PLEKHA8: variants seen among roughly 807,000 people sequenced by gnomAD.
PLEKHA8 encodes the protein pleckstrin homology domain-containing family A member 8.
In PLEKHA8, 36 loss-of-function variants were observed where a neutral mutation model predicts 68.2. The observed-to-expected ratio is 0.53, with a 90% CI of 0.40 to 0.70. PLEKHA8 has a LOEUF of 0.70. Ranked by LOEUF, PLEKHA8 falls within the 30% of genes least tolerant of loss-of-function variation. The probability of loss-of-function intolerance (pLI) is 0.00; values close to 1 mark genes in which losing one functional copy is unlikely to be tolerated. For synonymous variants in PLEKHA8, 211 were observed against 216.1 expected (o/e 0.98, Z 0.20); for missense variants, 505 against 615.4 (o/e 0.82, Z 1.90).
At chr7:30,050,612 C>G in intron 6 of PLEKHA8, 138 bp downstream of exon 6, 1 of 1,190,622 alleles carries the variant, frequency 8.4e-7, no homozygotes, top group Non-Finnish European at 1.1e-6. Context: ...CAATATCTGA[C>G]TTTCCTCTTT....
At chr7:30,115,491 G>T (rs112781313) in intron 13 of PLEKHA8, among the ~76,000 whole-genome samples, 29 of 150,874 alleles carry the variant, frequency 1.9e-4, no homozygotes, top group Non-Finnish European at 3.4e-4. Flanking sequence ...CGTGTATGTA[G>T]ACATATGTAT....
chr7:30,044,623 A>G (rs915477833), intron 1 of PLEKHA8, among the ~76,000 whole-genome samples: 1 of 152,222 alleles, frequency 6.6e-6, no homozygotes, highest in Non-Finnish European at 1.5e-5. Context: ...GGACCTTGTC[A>G]TCTTTGTTGC....
Position 30,080,795 on chromosome 7 carries a change from G to A in PLEKHA8, c.*2008G>A, listed in dbSNP as rs1041468929. The A allele has an allele frequency of 1.0e-6, 1 of 985,184 alleles. No individual in the cohort carries two copies. The highest frequency in any genetic ancestry group is 1.2e-6 in the Non-Finnish European group (1 of 829,894). 61.0% of individuals were successfully genotyped at this position (985,184 alleles called of 1,614,324 possible). ...TCTGATTAGTATGAATATGATGGCA[G>A]GACTCGGGGATAGTCCCTGCCCTTG... On this transcript the variant is annotated 3_prime_UTR_variant, in exon 14 of 14. Coordinates refer to ENST00000449726, the MANE Select transcript of PLEKHA8 (RefSeq NM_001197026.2).
chr7:30,029,318 A>C (rs1008231762), intron 1 of PLEKHA8, among the ~76,000 whole-genome samples: 2 of 152,210 alleles, frequency 1.3e-5, no homozygotes, highest in Non-Finnish European at 2.9e-5. Context: ...GGGTGTCAAG[A>C]GTCCCAACTC....
chr7:30,129,494 T>A, downstream of PLEKHA8: 1 of 669,992 alleles, frequency 1.5e-6, no homozygotes, highest in Non-Finnish European at 2.5e-6. Flanking sequence ...ATTTTTATTA[T>A]CAGATGAATG....
intron 13 of PLEKHA8, among the ~76,000 whole-genome samples, chr7:30,115,403 TCTC>T (rs563781951): frequency 1.4e-4 from 21 of 152,248 alleles, no homozygotes; most frequent in Non-Finnish European, 2.1e-4. Context: ...TTAAATGTTT[TCTC>T]CTTTTTGTAT....
chr7:30,064,682 T>C (rs1452540511), intron 12 of PLEKHA8, among the ~76,000 whole-genome samples: 2 of 152,200 alleles, frequency 1.3e-5, no homozygotes, highest in Non-Finnish European at 2.9e-5. Flanking sequence ...ATAAGACTTA[T>C]TTGTCCCACA....
At chr7:30,062,649 T>C (rs1166390205) in intron 11 of PLEKHA8, 23 bp from the exon 12 acceptor site, 2 of 1,553,150 alleles carry the variant, frequency 1.3e-6, no homozygotes, top group Non-Finnish European at 1.8e-6. Flanking sequence ...GAAAATAATA[T>C]TTCTTCCTTT....
At chr7:30,112,276 G>A (rs181509852) in intron 13 of PLEKHA8, among the ~76,000 whole-genome samples, 10 of 151,716 alleles carry the variant, frequency 6.6e-5, no homozygotes, top group Non-Finnish European at 1.3e-4. Context: ...AAATATGAAA[G>A]GTTTGAACAA....
intron 11 of PLEKHA8, among the ~76,000 whole-genome samples, chr7:30,062,284 G>A (rs1489328881): frequency 6.6e-6 from 1 of 152,030 alleles, no homozygotes; most frequent in Admixed American, 6.5e-5. Context: ...CTTTAAATCA[G>A]TGGCTCTCCA....
chr7:30,081,809 G>A lies in PLEKHA8; in HGVS notation c.*3022G>A, dbSNP rs765342352. 2 of 985,216 alleles carry A rather than the reference G, an allele frequency of 2.0e-6. No individual in the cohort carries two copies. The highest frequency in any genetic ancestry group is 6.2e-5 in the Admixed American group (1 of 16,258). The allele number at this position is 985,216 out of a possible 1,614,324, so 61.0% of individuals were successfully genotyped here. ...TGAGACATTTCCACACAATTTCATCGTGCCTGTACTTTTCTCTATGGTAAA... is the reference window on the plus strand; with the variant it reads ...TGAGACATTTCCACACAATTTCATCATGCCTGTACTTTTCTCTATGGTAAA... On this transcript the variant is annotated 3_prime_UTR_variant, in exon 14 of 14. Transcript: ENST00000449726.
intron 13 of PLEKHA8, among the ~76,000 whole-genome samples, chr7:30,098,114 A>G (rs1795701260): frequency 6.6e-6 from 1 of 152,216 alleles, no homozygotes; most frequent in Admixed American, 6.5e-5. Context: ...TTGCCTGGGT[A>G]TCAGCAGCGG....
chr7:30,100,283 G>A (rs1795801905), intron 13 of PLEKHA8, among the ~76,000 whole-genome samples: 1 of 152,196 alleles, frequency 6.6e-6, no homozygotes. Flanking sequence ...AGGCACGGTG[G>A]CTCACACCTG....
downstream of PLEKHA8, among the ~76,000 whole-genome samples, chr7:30,086,078 C>T (rs1227088168): frequency 6.6e-6 from 1 of 152,202 alleles, no homozygotes; most frequent in African/African-American, 2.4e-5. Flanking sequence ...GCCACTATCC[C>T]TTCAAACAAT....
At chr7:30,107,132 T>C (rs1285380732) in intron 13 of PLEKHA8, among the ~76,000 whole-genome samples, 1 of 152,196 alleles carries the variant, frequency 6.6e-6, no homozygotes, top group African/African-American at 2.4e-5. Flanking sequence ...GAAATCGCTG[T>C]CACTACAAAA....
chr7:30,070,839 G>A (rs1360516600), intron 12 of PLEKHA8, among the ~76,000 whole-genome samples: 6 of 152,178 alleles, frequency 3.9e-5, no homozygotes, highest in African/African-American at 1.4e-4. Context: ...CCACCACCGT[G>A]CCTGGCCCAG....
chr7:30,094,275 CT>C (rs764501216), downstream of PLEKHA8, among the ~76,000 whole-genome samples: 494 of 138,122 alleles, frequency 3.6e-3, no homozygotes, highest in Admixed American at 4.8e-3. Context: ...CAAGTTTCTA[CT>C]TTTTTTTTTT....
chr7:30,111,194 C>T (rs1302735620), intron 13 of PLEKHA8, among the ~76,000 whole-genome samples: 1 of 152,128 alleles, frequency 6.6e-6, no homozygotes, highest in African/African-American at 2.4e-5. Context: ...TGAGCCATCA[C>T]ACCTGGACCT....
At chr7:30,126,217 T>A (rs1402531587) in intron 13 of PLEKHA8, among the ~76,000 whole-genome samples, 1 of 142,482 alleles carries the variant, frequency 7.0e-6, no homozygotes, top group Non-Finnish European at 1.6e-5. Flanking sequence ...ATTTTGTGTC[T>A]TCAACCAAGA....
Sources: allele counts gnomAD v4.1 joint callset (sites outside exome capture counted in the v4.1 genomes callset), GRCh38; gene constraint gnomAD v4.1.1; transcripts MANE v1.5; gene names NCBI Gene and HGNC (gene_info 2026-07-23, HGNC 2026-07-21).